Variants in LRP2 observed in about 807,000 individuals in gnomAD.
LRP2 encodes the protein LDL receptor related protein 2.
LRP2 carries 172 observed loss-of-function variants against 531.0 expected under a neutral mutation model. That is an observed-to-expected ratio of 0.32 (90% CI 0.29 to 0.37). LRP2 has a LOEUF of 0.37. Ranked by LOEUF, LRP2 falls within the 10% of genes least tolerant of loss-of-function variation. LRP2 has a pLI of 1.00. For synonymous variants in LRP2, 1,992 were observed against 2,027.6 expected (o/e 0.98, Z 0.47); for missense variants, 5,167 against 5,868.3 (o/e 0.88, Z 3.90).
At chr2:169,153,034 C>T (rs1686203000) in intron 66 of LRP2, 70 bp from the exon 67 acceptor site, 1 of 1,409,172 alleles carries the variant, frequency 7.1e-7, no homozygotes, top group African/African-American at 1.4e-5. Context: ...GGGGTCTAAT[C>T]AGGTGAAGTA....
chr2:169,216,503 T>C, intron 34 of LRP2, 73 bp from the exon 35 acceptor site: 1 of 1,405,566 alleles, frequency 7.1e-7, no homozygotes, highest in Non-Finnish European at 1.0e-6. Flanking sequence ...AATGACAATG[T>C]GTATTACTTG....
Position 169,246,925 on chromosome 2 carries a change from C to T in LRP2, c.2970G>A (p.Pro990=), listed in dbSNP as rs1362239349. The part of the protein sequence containing the change: ...PNGDCSHFCF[P]VPNFQRVCGC... ...CACACACTCGCTGGAAATTTGGCAC[C>T]GGGAAGCAGAAGTGGCTGCAGTCAC... The change falls in exon 21 of 79, where the codon CCG becomes CCA. Residue 990 remains proline, a synonymous_variant. Transcript: ENST00000649046. The T allele has an allele frequency of 6.8e-6, 11 of 1,614,142 alleles. No homozygotes were observed. Among genetic ancestry groups the T allele is most frequent in the Non-Finnish European group, 9.3e-6 (11 of 1,180,028 alleles).
intron 63 of LRP2, among the ~76,000 whole-genome samples, chr2:169,160,650 C>T (rs1292743903): frequency 7.4e-6 from 1 of 135,046 alleles, no homozygotes; most frequent in African/African-American, 2.8e-5. Context: ...AAGCTGCTTC[C>T]ATACCCGAAT....
At chr2:169,219,929 G>A (rs1688929007) in intron 34 of LRP2, among the ~76,000 whole-genome samples, 2 of 152,098 alleles carry the variant, frequency 1.3e-5, no homozygotes, top group Admixed American at 6.6e-5. Flanking sequence ...CTTATCTGTT[G>A]TATCTCCCAT....
chr2:169,178,984 G>GATTT (rs3083236), intron 52 of LRP2, among the ~76,000 whole-genome samples: 32,392 of 145,982 alleles, frequency 0.22, 3,853 homozygotes, highest in East Asian at 0.38. Flanking sequence ...GTCACCATCT[G>GATTT]ATTTATTTAT....
chr2:169,334,406 T>C (rs1037425669), intron 1 of LRP2, among the ~76,000 whole-genome samples: 4 of 152,322 alleles, frequency 2.6e-5, no homozygotes, highest in African/African-American at 4.8e-5. Flanking sequence ...AGAGTGTTGG[T>C]CAAGAATAGA....
intron 1 of LRP2, among the ~76,000 whole-genome samples, chr2:169,358,715 A>G (rs1686058981): frequency 6.6e-6 from 1 of 152,166 alleles, no homozygotes; most frequent in East Asian, 1.9e-4. Context: ...ATGTTGGACC[A>G]GGTAAGGTGG....
intron 3 of LRP2, among the ~76,000 whole-genome samples, chr2:169,316,267 A>G (rs1232279773): frequency 1.3e-5 from 2 of 152,208 alleles, no homozygotes; most frequent in Non-Finnish European, 2.9e-5. Context: ...GGGCAGTGAA[A>G]AAGAGGAAGG....
rs1689635221 is a variant in LRP2, at chr2:169,237,120, T to C, written c.4674A>G (p.Ala1558=). 4 of 1,613,840 alleles carry C rather than the reference T, an allele frequency of 2.5e-6. No individual in the cohort carries two copies. Among genetic ancestry groups the C allele is most frequent in the Non-Finnish European group, 3.4e-6 (4 of 1,179,878 alleles). ...AGTCTTACTTCATTCTGGGATCTAA[T>C]GCTAGTCCTCTTGGATTTGTTAGGT... ...SKNLTNPRGL[A]LDPRMNEHLL... is the part of the protein sequence containing the mutation. Residue 1558 remains alanine (A), a synonymous_variant, in exon 28 of 79, where the codon GCA becomes GCG. Coordinates refer to ENST00000649046, the MANE Select transcript of LRP2 (RefSeq NM_004525.3).
chr2:169,226,371 G>A (rs1156627450), intron 32 of LRP2, 51 bp downstream of exon 32: 1 of 1,441,868 alleles, frequency 6.9e-7, no homozygotes, highest in South Asian at 1.1e-5. Flanking sequence ...ATCAGTGCAG[G>A]CAGGCTCTTC....
intron 1 of LRP2, among the ~76,000 whole-genome samples, chr2:169,358,137 T>C (rs1686041057): frequency 6.6e-6 from 1 of 152,318 alleles, no homozygotes; most frequent in African/African-American, 2.4e-5. Flanking sequence ...CTGTGCCTTA[T>C]CTGGCAAGTC....
chr2:169,290,082 T>G (rs831019), intron 8 of LRP2, among the ~76,000 whole-genome samples: 70,529 of 151,690 alleles, frequency 0.46, 16,686 homozygotes, highest in African/African-American at 0.54. Context: ...ACAGAGTTGA[T>G]GGGTTGTTGG....
chr2:169,267,733 G>A (rs1278553561), intron 16 of LRP2, among the ~76,000 whole-genome samples: 2 of 152,112 alleles, frequency 1.3e-5, no homozygotes, highest in Non-Finnish European at 2.9e-5. Flanking sequence ...AAAGCTAACG[G>A]AAGGCAAGAA....
chr2:169,148,147 C>A (rs1231011189), intron 68 of LRP2, among the ~76,000 whole-genome samples: 4 of 152,220 alleles, frequency 2.6e-5, no homozygotes, highest in African/African-American at 9.6e-5. Flanking sequence ...AAAGTCTCAA[C>A]AACTGGTAAA....
rs572078793 is a variant in LRP2 at position 169,187,425 on chromosome 2, A to G, written c.9328+545T>C. 1.5e-3 allele frequency among the ~76,000 whole-genome samples: 227 copies of G among 152,330 alleles called. 1 individual carries two copies. Among genetic ancestry groups the G allele is most frequent in the African/African-American group, 5.3e-3 (221 of 41,578 alleles). On this transcript the variant is annotated intron_variant, in intron 49 of 78. Coordinates refer to ENST00000649046, the MANE Select transcript of LRP2 (RefSeq NM_004525.3). ...ACAGAGACAATATCAACATACATGA[A>G]ACAATGGTTACAAGGATTAAACACC...
chr2:169,186,418 A>G lies in LRP2; in HGVS notation c.9329-399T>C, dbSNP rs546870748. ...TGAACATGGAACCACAAAGAGATAC[A>G]CACATTTGCCTCTCACGAGATGGCA... On this transcript the variant is annotated intron_variant, in intron 49 of 78. Transcript: ENST00000649046. 1.4e-4 allele frequency among the ~76,000 whole-genome samples: 21 copies of G among 152,306 alleles called. No individual in the cohort carries two copies. The South Asian group carries it at 4.4e-3, about 32-fold the overall frequency.
intron 1 of LRP2, among the ~76,000 whole-genome samples, chr2:169,321,228 A>G (rs866207891): frequency 6.6e-6 from 1 of 152,334 alleles, no homozygotes; most frequent in Middle Eastern, 3.4e-3. Context: ...TCAAAGAAGT[A>G]GACAAAGATT....
intron 50 of LRP2, among the ~76,000 whole-genome samples, chr2:169,183,074 A>C (rs939911776): frequency 1.3e-5 from 2 of 152,188 alleles, no homozygotes; most frequent in Non-Finnish European, 2.9e-5. Flanking sequence ...CCAGAGTCTT[A>C]TAGCATCCAT....
intron 33 of LRP2, among the ~76,000 whole-genome samples, chr2:169,223,339 G>A (rs898384971): frequency 3.9e-5 from 6 of 152,128 alleles, no homozygotes; most frequent in African/African-American, 1.2e-4. Flanking sequence ...GGAAAGACAC[G>A]TTCCCTGCTT....
Sources: allele counts gnomAD v4.1 joint callset (sites outside exome capture counted in the v4.1 genomes callset), GRCh38; gene constraint gnomAD v4.1.1; transcripts MANE v1.5; gene names NCBI Gene and HGNC (gene_info 2026-07-23, HGNC 2026-07-21).